Variants in PCDHGA9 observed in about 807,000 individuals in gnomAD.
The protein encoded by PCDHGA9 is protocadherin gamma-A9.
In PCDHGA9, 37 loss-of-function variants were observed where a neutral mutation model predicts 62.5. The ratio of observed to expected loss-of-function variants is 0.59; its 90% CI spans 0.46 to 0.78. PCDHGA9 has a LOEUF of 0.78. PCDHGA9 is among the 30% of genes least tolerant of loss of function. The pLI is 0.00. For synonymous variants in PCDHGA9, 459 were observed against 484.6 expected (o/e 0.95, Z 0.69); for missense variants, 1,138 against 1,166.2 (o/e 0.98, Z 0.35).
chr5:141,490,142 C>T lies in PCDHGA9; in HGVS notation c.2425-4665C>T. On this transcript the variant is annotated intron_variant, in intron 1 of 3. Transcript: ENST00000573521. This position sits in a 1 kb window ranked among gnomAD's most constrained non-coding sequence, Gnocchi z 5.4. ...TTTGGCCTAGACCCTAGCAGTGGGG[C>T]AATCCATGTGTTGGGTCCCATAGAC... 2 of 1,614,220 alleles carry T rather than the reference C, an allele frequency of 1.2e-6. No individual in the cohort carries two copies. Among genetic ancestry groups the T allele is most frequent in the South Asian group, 1.1e-5 (1 of 91,088 alleles).
Position 141,490,688 on chromosome 5 carries a change from C to G in PCDHGA9, c.2425-4119C>G. 1 of 1,614,218 alleles carries G rather than the reference C, an allele frequency of 6.2e-7. No individual in the cohort carries two copies. Among genetic ancestry groups the G allele is most frequent in the Non-Finnish European group, 8.5e-7 (1 of 1,180,032 alleles). On this transcript the variant is annotated intron_variant, in intron 1 of 3. Coordinates refer to ENST00000573521, the MANE Select transcript of PCDHGA9 (RefSeq NM_018921.3). The surrounding 1 kb of genome is among the most constrained non-coding windows in gnomAD (Gnocchi z 5.4). ...ACTGTGGCTGCCTCAGATCCAGACA[C>G]TGGGGATAATGCCCGCCTCACCTAC...
chr5:141,430,919 C>T, intron 1 of PCDHGA9: 1 of 1,607,610 alleles, frequency 6.2e-7, no homozygotes, highest in Non-Finnish European at 8.5e-7. Context: ...GGACCTGGGG[C>T]TGGAGCCCCG....
At chr5:141,415,740 G>GTTTTTTT (rs57426385) in intron 1 of PCDHGA9, 164 of 624,990 alleles carry the variant, frequency 2.6e-4, no homozygotes, top group African/African-American at 5.0e-4. Flanking sequence ...GTTTATTAAG[G>GTTTTTTT]TTTTTTTTTT....
intron 3 of PCDHGA9, among the ~76,000 whole-genome samples, chr5:141,508,506 C>G (rs2099869342): frequency 6.6e-6 from 1 of 152,180 alleles, no homozygotes; most frequent in Admixed American, 6.5e-5. Context: ...TCTCTCCCTC[C>G]TGGTCCAGCC....
At chr5:141,454,203 T>C (rs981646952) in intron 1 of PCDHGA9, among the ~76,000 whole-genome samples, 2 of 152,148 alleles carry the variant, frequency 1.3e-5, no homozygotes, top group African/African-American at 4.8e-5. Flanking sequence ...GGTGAATTTA[T>C]TGACATGAAT....
intron 1 of PCDHGA9, among the ~76,000 whole-genome samples, chr5:141,474,588 A>G (rs2099351676): frequency 6.6e-6 from 1 of 152,258 alleles, no homozygotes; most frequent in Non-Finnish European, 1.5e-5. Context: ...TGTTAAAGAC[A>G]TGGAAATATA....
intron 1 of PCDHGA9, chr5:141,419,102 A>G (rs201327680): frequency 4.5e-5 from 73 of 1,613,748 alleles, no homozygotes; most frequent in Non-Finnish European, 5.9e-5. Flanking sequence ...TCGGGAGCAG[A>G]CCCCAGAGTA....
At position 141,409,702 on chromosome 5, in the gene PCDHGA9, G is replaced by T. The variant is rs545411022; in HGVS notation, c.2424+4326G>T. The T allele has an allele frequency of 1.9e-6, 3 of 1,613,226 alleles. No individual in the cohort carries two copies. The East Asian group carries it at 6.7e-5, about 36-fold the overall frequency. ...TGGCGAGTGACCTAGAGCCCCTGGC[G>T]GTGTCGTCATACGTGTCAGTGAGCG... On this transcript the variant is annotated intron_variant, in intron 1 of 3. Coordinates refer to ENST00000573521, the MANE Select transcript of PCDHGA9 (RefSeq NM_018921.3).
Position 141,486,690 on chromosome 5 carries a change from C to G in PCDHGA9, c.2425-8117C>G. ...AGGAATCGAGATGTATCAGCTTCCTCTTTCATCTCTCTGAACCCCCAGACA... is the reference window on the plus strand; with the variant it reads ...AGGAATCGAGATGTATCAGCTTCCTGTTTCATCTCTCTGAACCCCCAGACA... On this transcript the variant is annotated intron_variant, in intron 1 of 3. Coordinates refer to ENST00000573521, the MANE Select transcript of PCDHGA9 (RefSeq NM_018921.3). The surrounding 1 kb of genome is among the most constrained non-coding windows in gnomAD (Gnocchi z 5.0). 3 of 1,614,144 alleles carry G rather than the reference C, an allele frequency of 1.9e-6. No individual in the cohort carries two copies. The highest frequency in any genetic ancestry group is 2.5e-6 in the Non-Finnish European group (3 of 1,180,036).
rs1561856520 is a variant in PCDHGA9 at position 141,431,983 on chromosome 5, A to C, written c.2424+26607A>C. 3.1e-6 allele frequency: 5 copies of C among 1,614,242 alleles called. No homozygotes were observed. Among genetic ancestry groups the C allele is most frequent in the Non-Finnish European group, 4.2e-6 (5 of 1,180,036 alleles). ...ATTACTATAGTTTAGTCACAGACAT[A>C]GTCTTGGATAGGGAACAGGTTCCTA... On this transcript the variant is annotated intron_variant, in intron 1 of 3. Coordinates refer to ENST00000573521, the MANE Select transcript of PCDHGA9 (RefSeq NM_018921.3). The surrounding 1 kb of genome is among the most constrained non-coding windows in gnomAD (Gnocchi z 4.8).
chr5:141,414,559 T>C (rs1330713312), intron 1 of PCDHGA9: 2 of 1,613,782 alleles, frequency 1.2e-6, no homozygotes, highest in Non-Finnish European at 1.7e-6. Flanking sequence ...AGTCTCCTAC[T>C]TTACCTATAT....
chr5:141,488,565 C>A (rs1308485284), intron 1 of PCDHGA9, among the ~76,000 whole-genome samples: 1 of 152,174 alleles, frequency 6.6e-6, no homozygotes, highest in Non-Finnish European at 1.5e-5. Flanking sequence ...GAGATTTCCG[C>A]AAAGCATTGC....
intron 1 of PCDHGA9, chr5:141,427,889 G>A: frequency 1.3e-6 from 2 of 1,566,516 alleles, no homozygotes; most frequent in Non-Finnish European, 1.7e-6. Context: ...CCCACGACCA[G>A]GGCTCGCCCG....
At chr5:141,457,108 T>C (rs186630889) in intron 1 of PCDHGA9, among the ~76,000 whole-genome samples, 40 of 152,338 alleles carry the variant, frequency 2.6e-4, no homozygotes, top group African/African-American at 9.1e-4. Flanking sequence ...TTAAGCAAAA[T>C]ACGACAGCAA....
chr5:141,509,497 G>A (rs1167178592), intron 3 of PCDHGA9, among the ~76,000 whole-genome samples: 1 of 152,196 alleles, frequency 6.6e-6, no homozygotes, highest in Non-Finnish European at 1.5e-5. Flanking sequence ...TGGCATGCTG[G>A]ATGTGACGGT....
In PCDHGA9 at chr5:141,404,701, G is replaced by T. The variant is rs563319884; in HGVS notation, c.1749G>T (p.Glu583Asp). 1 of 1,614,074 alleles carries T rather than the reference G, an allele frequency of 6.2e-7. No individual in the cohort carries two copies. The highest frequency in any genetic ancestry group is 1.3e-5 in the African/African-American group (1 of 75,012). Residue 583 changes from glutamate (E) to aspartate (D), a missense_variant, in exon 1 of 4, where the codon GAG becomes GAT. Coordinates refer to ENST00000573521, the MANE Select transcript of PCDHGA9 (RefSeq NM_018921.3). ...TGVELAPRSA[E>D]PGYLVTKVVA... ...TGGAGCTGGCACCCCGCTCTGCAGAGCCTGGCTACCTGGTGACCAAGGTGG... is the reference window on the plus strand; with the variant it reads ...TGGAGCTGGCACCCCGCTCTGCAGATCCTGGCTACCTGGTGACCAAGGTGG...
chr5:141,482,245 G>A (rs72790067), intron 1 of PCDHGA9, among the ~76,000 whole-genome samples: 74 of 152,252 alleles, frequency 4.9e-4, no homozygotes, highest in Non-Finnish European at 7.9e-4. Flanking sequence ...TATAAGTATA[G>A]TACTGTACAT....
At chr5:141,438,635 TACAC>T (rs56854727) in intron 1 of PCDHGA9, among the ~76,000 whole-genome samples, 720 of 33,094 alleles carry the variant, frequency 0.022, 7 homozygotes, top group Middle Eastern at 0.05. Context: ...TATATATATA[TACAC>T]ACACACACAC....
chr5:141,479,676 G>A (rs2099503035), intron 1 of PCDHGA9: 1 of 152,242 alleles, frequency 6.6e-6, no homozygotes, highest in African/African-American at 2.4e-5. Context: ...CAAAAGGAGA[G>A]TCTTTTTGGT....
Sources: gnomAD v4.1 joint callset for allele counts (sites outside exome capture counted in the v4.1 genomes callset) on GRCh38, gnomAD v4.1.1 for gene constraint, Gnocchi (gnomAD v3.1) non-coding constraint, MANE v1.5 for transcripts, NCBI Gene and HGNC (gene_info 2026-07-23, HGNC 2026-07-21) for gene names.